Variants in CFAP47 observed in about 807,000 individuals in gnomAD.
CFAP47 encodes the protein cilia and flagella associated protein 47, also known as cilia- and flagella-associated protein 47.
Under a neutral mutation model 148.1 loss-of-function variants are expected in CFAP47, and 29 were observed. The observed-to-expected ratio is 0.20, with a 90% CI of 0.15 to 0.27. The LOEUF (loss-of-function observed/expected upper bound fraction) is 0.27. CFAP47 is among the 10% of genes least tolerant of loss of function. The pLI is 1.00. For synonymous variants in CFAP47, 664 were observed against 577.3 expected (o/e 1.15, Z -2.15); for missense variants, 1,872 against 1,697.5 (o/e 1.10, Z -1.81).
At chrX:36,139,520 A>G (rs5972022) in intron 35 of CFAP47, among the ~76,000 whole-genome samples, 10,972 of 111,243 alleles carry the variant, frequency 0.099, 1,064 homozygotes, top group African/African-American at 0.3. Flanking sequence ...ACCGAGAGGA[A>G]AGGAACTGGT....
chrX:36,031,586 A>G (rs1228414213), intron 23 of CFAP47, among the ~76,000 whole-genome samples: 1 of 110,164 alleles, frequency 9.1e-6, no homozygotes, highest in Non-Finnish European at 1.9e-5. Flanking sequence ...ATAAATACAT[A>G]TACGCATATA....
intron 45 of CFAP47, chrX:36,211,458 G>T: frequency 7.6e-6 from 2 of 264,147 alleles, no homozygotes; most frequent in South Asian, 9.9e-5. Context: ...AACCAAAGGA[G>T]AACATCCTGT....
At chrX:36,063,463 T>C (rs991982324) in intron 26 of CFAP47, among the ~76,000 whole-genome samples, 2 of 111,578 alleles carry the variant, frequency 1.8e-5, no homozygotes, top group Non-Finnish European at 1.9e-5. Flanking sequence ...GAAAAGAATG[T>C]GGTCAAGTCA....
intron 3 of CFAP47, among the ~76,000 whole-genome samples, chrX:35,944,278 C>T (rs964265885): frequency 8.1e-5 from 9 of 111,210 alleles, no homozygotes; most frequent in Non-Finnish European, 1.7e-4. Context: ...TTCTTGTCTT[C>T]AATTTTTTTT....
At chrX:35,977,388 G>C (rs1029107712) in intron 15 of CFAP47, among the ~76,000 whole-genome samples, 1 of 111,402 alleles carries the variant, frequency 9.0e-6, no homozygotes, top group Non-Finnish European at 1.9e-5. Context: ...CAAATAAATG[G>C]GTAGCCATTT....
At chrX:35,927,832 T>A (rs1249779592) in intron 2 of CFAP47, among the ~76,000 whole-genome samples, 1 of 110,154 alleles carries the variant, frequency 9.1e-6, no homozygotes. Flanking sequence ...ACATCTCAAA[T>A]TTTTGTCATC....
At chrX:36,154,227 G>A (rs2044322424) in intron 37 of CFAP47, among the ~76,000 whole-genome samples, 1 of 111,891 alleles carries the variant, frequency 8.9e-6, no homozygotes, top group African/African-American at 3.2e-5. Flanking sequence ...TTTACTATAT[G>A]CATTCAATAG....
At chrX:36,099,952 A>G (rs945871239) in intron 32 of CFAP47, 73 bp downstream of exon 32, 1 of 540,773 alleles carries the variant, frequency 1.8e-6, no homozygotes, top group Non-Finnish European at 3.0e-6. Flanking sequence ...AGTATAGACA[A>G]TGCTGCTATG....
intron 51 of CFAP47, among the ~76,000 whole-genome samples, chrX:36,295,933 T>C (rs782375458): frequency 2.7e-5 from 3 of 112,160 alleles, no homozygotes; most frequent in Middle Eastern, 4.7e-3. Flanking sequence ...CTTTTGACTA[T>C]AGTGAAACAT....
intron 24 of CFAP47, among the ~76,000 whole-genome samples, chrX:36,038,596 C>T (rs1937365915): frequency 8.9e-6 from 1 of 111,740 alleles, no homozygotes; most frequent in Non-Finnish European, 1.9e-5. Flanking sequence ...CCCCTGGGAT[C>T]CTTATGGCAA....
intron 57 of CFAP47, among the ~76,000 whole-genome samples, chrX:36,323,397 AT>A (rs1344399007): frequency 9.2e-6 from 1 of 108,956 alleles, no homozygotes; most frequent in East Asian, 2.8e-4. Flanking sequence ...AGGAAGTGAT[AT>A]GTATTTCAAA....
chrX:35,927,617 GTA>G (rs201047841), intron 2 of CFAP47, among the ~76,000 whole-genome samples: 160 of 109,930 alleles, frequency 1.5e-3, no homozygotes, highest in African/African-American at 5.0e-3. Flanking sequence ...GTGTGTGTGT[GTA>G]TGTGTGTGTG....
intron 57 of CFAP47, among the ~76,000 whole-genome samples, chrX:36,332,207 A>G (rs1941570224): frequency 9.0e-6 from 1 of 111,690 alleles, no homozygotes; most frequent in East Asian, 2.8e-4. Flanking sequence ...AATATATTGG[A>G]TAAGAAGAAT....
Position 36,068,955 on chromosome X carries a change from T to TA in CFAP47, c.4319-2854dup, listed in dbSNP as rs113537853. On this transcript the variant is annotated intron_variant, in intron 27 of 63. Coordinates refer to ENST00000378653, the MANE Select transcript of CFAP47 (RefSeq NM_001304548.2). ...TGGCGACAGAGCGAGACTCCTCAATTAAAAAAAAAAAAAAAAGAAAAAAGA... is the reference window on the plus strand; with the variant it reads ...TGGCGACAGAGCGAGACTCCTCAATTAAAAAAAAAAAAAAAAAGAAAAAAGA... 8.7e-3 allele frequency among the ~76,000 whole-genome samples: 754 copies of TA among 87,133 alleles called. 6 individuals are homozygous for TA. Among genetic ancestry groups the TA allele is most frequent in the African/African-American group, 0.028 (666 of 23,842 alleles). 75.7% of individuals were successfully genotyped at this position (87,133 alleles called of 115,157 possible).
chrX:35,956,903 G>C (rs1936253942), intron 8 of CFAP47, among the ~76,000 whole-genome samples: 1 of 111,268 alleles, frequency 9.0e-6, no homozygotes, highest in Admixed American at 9.6e-5. Context: ...ATTGTCTAAG[G>C]CTACTTTCAT....
At chrX:35,961,879 T>A (rs1288981169) in intron 8 of CFAP47, among the ~76,000 whole-genome samples, 4 of 111,599 alleles carry the variant, frequency 3.6e-5, no homozygotes, top group Admixed American at 1.9e-4. Context: ...ACTTACTTTG[T>A]TCTGTTTTCA....
At chrX:36,348,101 T>C in intron 57 of CFAP47, 28 bp from the exon 58 acceptor site, 1 of 877,368 alleles carries the variant, frequency 1.1e-6, no homozygotes, top group Non-Finnish European at 1.5e-6. Context: ...ATTTACCATA[T>C]TAAAAATTAT....
chrX:36,345,025 A>G (rs1192230363), intron 57 of CFAP47, among the ~76,000 whole-genome samples: 5 of 111,916 alleles, frequency 4.5e-5, no homozygotes, highest in Non-Finnish European at 7.5e-5. Context: ...ATAATTGAGA[A>G]CCACAATAAA....
rs782693040 is a variant in CFAP47, at chrX:36,195,826, A to C, written c.6322-4553A>C. Among the ~76,000 whole-genome samples the C allele has an allele frequency of 1.0e-3, 115 of 111,648 alleles. 1 individual carries two copies. The highest frequency in any genetic ancestry group is 3.6e-3 in the African/African-American group (112 of 30,786). On this transcript the variant is annotated intron_variant, in intron 42 of 63. Coordinates refer to ENST00000378653, the MANE Select transcript of CFAP47 (RefSeq NM_001304548.2). ...AGCAAATTGGTGACACATTTGAGTG[A>C]AATGGTTCTGAAAAATGTGGTGATA... is the stretch of plus-strand genomic sequence containing the variant.
Sources: allele counts gnomAD v4.1 joint callset (sites outside exome capture counted in the v4.1 genomes callset), GRCh38; gene constraint gnomAD v4.1.1; transcripts MANE v1.5; gene names NCBI Gene and HGNC (gene_info 2026-07-23, HGNC 2026-07-21).